TANK: variants seen among roughly 807,000 people sequenced by gnomAD.
The protein encoded by TANK is TRAF family member associated NFKB activator, also known as TRAF family member-associated NF-kappa-B activator.
A neutral mutation model predicts 43.6 loss-of-function variants in TANK; 15 were observed. The ratio of observed to expected loss-of-function variants is 0.34; its 90% CI spans 0.23 to 0.53. The LOEUF (loss-of-function observed/expected upper bound fraction) is 0.53. TANK is among the 20% of genes least tolerant of loss of function. The pLI, the probability that TANK is intolerant of heterozygous loss-of-function variation, is 0.94. For missense variants in TANK, 417 were observed against 498.6 expected (o/e 0.84, Z 1.56); for synonymous variants, 162 against 178.2 (o/e 0.91, Z 0.73).
chr2:161,211,854 A>T, intron 4 of TANK: 1 of 985,124 alleles, frequency 1.0e-6, no homozygotes, highest in South Asian at 4.7e-5. Context: ...TGCAGTCCAA[A>T]GCAAATGTAC....
At chr2:161,220,730 A>G (rs1687305546) in intron 4 of TANK, among the ~76,000 whole-genome samples, 1 of 152,226 alleles carries the variant, frequency 6.6e-6, no homozygotes, top group African/African-American at 2.4e-5. Flanking sequence ...CCAATTTTTT[A>G]TAAAAGGAAT....
At chr2:161,219,580 T>A (rs1304793507) in intron 4 of TANK, 5 of 265,102 alleles carry the variant, frequency 1.9e-5, no homozygotes, top group Non-Finnish European at 3.8e-5. Flanking sequence ...ATTCTATTTT[T>A]TTATCTTTTA....
At chr2:161,212,726 T>C in intron 4 of TANK, 3 of 985,304 alleles carry the variant, frequency 3.0e-6, no homozygotes, top group Non-Finnish European at 3.6e-6. Context: ...GCACACAGAA[T>C]AGAGTCGATA....
chr2:161,138,814 A>C (rs1168768655), intron 1 of TANK, among the ~76,000 whole-genome samples: 1 of 152,234 alleles, frequency 6.6e-6, no homozygotes, highest in African/African-American at 2.4e-5. Flanking sequence ...GAATTTCATG[A>C]AACTTATGCA....
intron 2 of TANK, chr2:161,200,506 G>T (rs1686355016): frequency 1.0e-6 from 1 of 981,562 alleles, no homozygotes; most frequent in South Asian, 4.7e-5. Context: ...TTTCCTTTTG[G>T]TCTTTCCCTC....
chr2:161,139,877 A>G, intron 1 of TANK: 1 of 985,434 alleles, frequency 1.0e-6, no homozygotes, highest in Non-Finnish European at 1.2e-6. Flanking sequence ...TGCAGACCGC[A>G]ATTTAGTTAC....
chr2:161,219,484 G>A (rs768359751), intron 4 of TANK, among the ~76,000 whole-genome samples: 16 of 152,104 alleles, frequency 1.1e-4, no homozygotes, highest in Non-Finnish European at 2.2e-4. Flanking sequence ...TGTTTCTCTT[G>A]CTTTGCTAGA....
rs1051867207 is a variant in TANK, at chr2:161,226,115, A to G, written c.520+1369A>G. 6.6e-5 allele frequency among the ~76,000 whole-genome samples: 10 copies of G among 152,154 alleles called. 1 individual carries two copies. The highest frequency in any genetic ancestry group is 2.1e-4 in the South Asian group (1 of 4,828). On this transcript the variant is annotated intron_variant, in intron 6 of 7. Coordinates refer to ENST00000392749, the MANE Select transcript of TANK (RefSeq NM_001199135.3). ...CATAAACATGCTTTTTTGAACATCA[A>G]CATCTTTTCAAGGCATTGTAATGGT...
chr2:161,167,709 G>T (rs528360955), intron 1 of TANK, among the ~76,000 whole-genome samples: 1 of 151,976 alleles, frequency 6.6e-6, no homozygotes, highest in African/African-American at 2.4e-5. Context: ...TGCAAGCTCC[G>T]CTTCCTGGGT....
chr2:161,157,615 T>C (rs1684260693), upstream of TANK, among the ~76,000 whole-genome samples: 1 of 152,244 alleles, frequency 6.6e-6, no homozygotes, highest in Non-Finnish European at 1.5e-5. Context: ...ACTGTTTATA[T>C]TGCCAGGTTT....
intron 2 of TANK, among the ~76,000 whole-genome samples, chr2:161,202,619 A>T (rs1275388948): frequency 6.6e-6 from 1 of 152,172 alleles, no homozygotes; most frequent in Non-Finnish European, 1.5e-5. Context: ...TCATTCTGAG[A>T]TTATTAGAAC....
chr2:161,178,729 T>C (rs1573990851), intron 1 of TANK, among the ~76,000 whole-genome samples: 1 of 152,192 alleles, frequency 6.6e-6, no homozygotes, highest in African/African-American at 2.4e-5. Flanking sequence ...AAAGATGTTA[T>C]GACAGATTAG....
intron 6 of TANK, among the ~76,000 whole-genome samples, chr2:161,229,922 A>G (rs1054654537): frequency 2.6e-5 from 4 of 152,180 alleles, no homozygotes; most frequent in African/African-American, 9.6e-5. Flanking sequence ...AATCATCAAC[A>G]TGGAGAGTAC....
At chr2:161,183,021 C>T (rs537781178) in intron 2 of TANK, among the ~76,000 whole-genome samples, 3 of 152,238 alleles carry the variant, frequency 2.0e-5, no homozygotes, top group South Asian at 2.1e-4. Flanking sequence ...GTGAGAGTTA[C>T]GAGCTAGGAA....
rs545814453 is a variant in TANK at position 161,225,373 on chromosome 2, G to A, written c.520+627G>A. ...ACTCATTTGGTTCAAGAATAAAAAC[G>A]TGGCACTCAAATTTCCTGAGTGCTA... On this transcript the variant is annotated intron_variant, in intron 6 of 7. Coordinates refer to ENST00000392749, the MANE Select transcript of TANK (RefSeq NM_001199135.3). Among the ~76,000 whole-genome samples the A allele has an allele frequency of 3.6e-4, 55 of 152,158 alleles. 2 individuals are homozygous for A. The South Asian group carries it at 0.011, about 29-fold the overall frequency.
Position 161,211,828 on chromosome 2 carries a change from C to T in TANK, c.327+7035C>T, listed in dbSNP as rs562664090. 17 of 984,616 alleles carry T rather than the reference C, an allele frequency of 1.7e-5. No individual in the cohort carries two copies. The African/African-American group carries it at 3.0e-4, about 17-fold the overall frequency. 61.0% of individuals were successfully genotyped at this position (984,616 alleles called of 1,614,324 possible). Reference sequence around the variant, plus strand: ...AAAAACGTGTTTGTGTGTAGTACCTCAGGTACTCCTTGCCTTGCAGTCCAA... The same window carrying T: ...AAAAACGTGTTTGTGTGTAGTACCTTAGGTACTCCTTGCCTTGCAGTCCAA... On this transcript the variant is annotated intron_variant, in intron 4 of 7. Coordinates refer to ENST00000392749, the MANE Select transcript of TANK (RefSeq NM_001199135.3).
intron 1 of TANK, among the ~76,000 whole-genome samples, chr2:161,168,239 A>G (rs1476183830): frequency 6.6e-6 from 1 of 152,168 alleles, no homozygotes; most frequent in African/African-American, 2.4e-5. Context: ...TTTATTTCTC[A>G]CTATGAAATA....
chr2:161,185,972 A>G (rs908546438), intron 2 of TANK, among the ~76,000 whole-genome samples: 16 of 152,216 alleles, frequency 1.1e-4, no homozygotes, highest in Admixed American at 2.6e-4. Context: ...CTCCTACTCA[A>G]AATTTTTCAG....
chr2:161,150,729 GGCACAC>G (rs1480739127), intron 1 of TANK, among the ~76,000 whole-genome samples: 1 of 151,518 alleles, frequency 6.6e-6, no homozygotes, highest in Non-Finnish European at 1.5e-5. Context: ...CGGGATTACA[GGCACAC>G]GCATACCACC....
Sources: gnomAD v4.1 joint callset for allele counts (sites outside exome capture counted in the v4.1 genomes callset) on GRCh38, gnomAD v4.1.1 for gene constraint, MANE v1.5 for transcripts, NCBI Gene and HGNC (gene_info 2026-07-23, HGNC 2026-07-21) for gene names.